ANAPC10: variants seen among roughly 807,000 people sequenced by gnomAD.
The protein encoded by ANAPC10 is anaphase-promoting complex subunit 10.
Under a neutral mutation model 22.0 loss-of-function variants are expected in ANAPC10, and 12 were observed. That is an observed-to-expected ratio of 0.55 (90% CI 0.35 to 0.88). ANAPC10 has a LOEUF of 0.88. Among genes scored for constraint, ANAPC10 ranks in the 40% least tolerant of loss-of-function variants. The probability of loss-of-function intolerance (pLI) is 0.01; values close to 1 mark genes in which losing one functional copy is unlikely to be tolerated. For synonymous variants in ANAPC10, 65 were observed against 69.5 expected, an observed-to-expected ratio of 0.94 and a Z score of 0.32; for missense variants, 188 against 220.9, an observed-to-expected ratio of 0.85 and a Z score of 0.94.
chr4:145,069,564 T>C (rs1744192642), intron 3 of ANAPC10, among the ~76,000 whole-genome samples: 1 of 152,148 alleles, frequency 6.6e-6, no homozygotes, highest in Non-Finnish European at 1.5e-5. Flanking sequence ...CCTCTTCAAA[T>C]ACCTAAGACA....
At chr4:145,077,870 A>T (rs565331090) in intron 3 of ANAPC10, among the ~76,000 whole-genome samples, 89 of 152,274 alleles carry the variant, frequency 5.8e-4, no homozygotes, top group African/African-American at 2.1e-3. Flanking sequence ...AAGGATCATA[A>T]TTCAAAATAA....
chr4:145,077,436 CCA>C (rs1745353029), intron 3 of ANAPC10, among the ~76,000 whole-genome samples: 3 of 151,888 alleles, frequency 2.0e-5, no homozygotes, highest in African/African-American at 7.3e-5. Flanking sequence ...TCAGAGAACC[CCA>C]GAGTATATGA....
chr4:145,017,785 C>G (rs537827119), intron 4 of ANAPC10, among the ~76,000 whole-genome samples: 8 of 151,914 alleles, frequency 5.3e-5, no homozygotes, highest in East Asian at 1.9e-4. Context: ...ATACTATGCA[C>G]CCATAAAAAA....
intron 4 of ANAPC10, among the ~76,000 whole-genome samples, chr4:145,026,945 A>ATATATATATGTGTG (rs1287102797): frequency 4.7e-4 from 8 of 17,150 alleles, no homozygotes; most frequent in African/African-American, 9.3e-4. Context: ...ATATATATAT[A>ATATATATATGTGTG]TGTGTGTGTG....
At chr4:145,011,251 T>C (rs549593111) in intron 4 of ANAPC10, among the ~76,000 whole-genome samples, 8 of 151,588 alleles carry the variant, frequency 5.3e-5, no homozygotes, top group Non-Finnish European at 8.8e-5. Flanking sequence ...GCAGGAGAAT[T>C]GCTTGAACCC....
At chr4:145,076,610 A>G (rs1745235937) in intron 3 of ANAPC10, among the ~76,000 whole-genome samples, 1 of 152,230 alleles carries the variant, frequency 6.6e-6, no homozygotes, top group Non-Finnish European at 1.5e-5. Flanking sequence ...AATGACAGAA[A>G]TGACAGACAT....
intron 3 of ANAPC10, among the ~76,000 whole-genome samples, chr4:145,069,011 T>C (rs1744104052): frequency 6.6e-6 from 1 of 152,178 alleles, no homozygotes; most frequent in Non-Finnish European, 1.5e-5. Context: ...TTTGAAAGGA[T>C]ATATGAGACC....
intron 4 of ANAPC10, among the ~76,000 whole-genome samples, chr4:145,018,973 T>C (rs893585056): frequency 2.6e-5 from 4 of 152,032 alleles, no homozygotes; most frequent in African/African-American, 9.7e-5. Context: ...ACCTAAAAAA[T>C]GAGATAGACA....
intron 1 of ANAPC10, 117 bp from the exon 2 acceptor site, chr4:145,096,228 T>C: frequency 9.4e-7 from 1 of 1,061,602 alleles, no homozygotes; most frequent in African/African-American, 1.6e-5. Context: ...TCATTTATTC[T>C]GAAGAATGCA....
At chr4:145,083,506 C>A (rs973391193) in intron 2 of ANAPC10, among the ~76,000 whole-genome samples, 2 of 152,060 alleles carry the variant, frequency 1.3e-5, no homozygotes, top group African/African-American at 4.8e-5. Context: ...GCCAAATTGT[C>A]CTCTAAAACA....
intron 4 of ANAPC10, among the ~76,000 whole-genome samples, chr4:145,043,961 T>C (rs35994031): frequency 0.012 from 1,890 of 152,168 alleles, 43 homozygotes; most frequent in African/African-American, 0.042. Flanking sequence ...TTCTTTAATA[T>C]ATAATTTTGA....
In ANAPC10 at chr4:145,029,027, G is replaced by A. The variant is rs189774226; in HGVS notation, c.328-33424C>T. Among the ~76,000 whole-genome samples, 261 of 152,240 alleles carry A rather than the reference G, an allele frequency of 1.7e-3. 2 individuals carry two copies. The highest frequency in any genetic ancestry group is 5.9e-3 in the African/African-American group (245 of 41,548). ...ACCATGTGAGTGGCTGACCTGCAAC[G>A]AAAGATGCATGTACAGCCTCGCCAG... On this transcript the variant is annotated intron_variant, in intron 4 of 4. Transcript: ENST00000507656.
At chr4:145,023,023 C>T (rs905705015) in intron 4 of ANAPC10, among the ~76,000 whole-genome samples, 1 of 151,898 alleles carries the variant, frequency 6.6e-6, no homozygotes, top group Non-Finnish European at 1.5e-5. Flanking sequence ...GTTATAACAG[C>T]CAGATTATCA....
intron 4 of ANAPC10, among the ~76,000 whole-genome samples, chr4:145,006,345 T>C (rs911673966): frequency 3.3e-5 from 5 of 152,072 alleles, no homozygotes; most frequent in Non-Finnish European, 5.9e-5. Flanking sequence ...CATAAAGGGA[T>C]TTGCTGGGCA....
At chr4:145,062,040 G>A (rs1742964790) in intron 4 of ANAPC10, among the ~76,000 whole-genome samples, 1 of 151,286 alleles carries the variant, frequency 6.6e-6, no homozygotes, top group Non-Finnish European at 1.5e-5. Context: ...TCCAGCCTGG[G>A]TGACAGAGCA....
intron 4 of ANAPC10, among the ~76,000 whole-genome samples, chr4:145,014,956 T>C (rs532004870): frequency 6.6e-6 from 1 of 152,172 alleles, no homozygotes; most frequent in East Asian, 1.9e-4. Flanking sequence ...GCCCTAGACC[T>C]TCCCTCTGAC....
chr4:144,998,827 A>C (rs1007516466), intron 4 of ANAPC10, among the ~76,000 whole-genome samples: 12 of 152,216 alleles, frequency 7.9e-5, no homozygotes, highest in Non-Finnish European at 1.8e-4. Flanking sequence ...TGAATACAGG[A>C]GCTGGTTTTT....
chr4:145,093,194 T>C (rs932774845), intron 2 of ANAPC10, among the ~76,000 whole-genome samples: 10 of 152,116 alleles, frequency 6.6e-5, no homozygotes, highest in Non-Finnish European at 4.4e-5. Flanking sequence ...GTGGAACTAT[T>C]ATATAGAAAA....
chr4:145,048,222 T>A (rs1213646379), intron 4 of ANAPC10, among the ~76,000 whole-genome samples: 2 of 152,112 alleles, frequency 1.3e-5, no homozygotes, highest in African/African-American at 4.8e-5. Context: ...TGAGCACCTA[T>A]GTGGTAGGTA....
Sources: allele counts gnomAD v4.1 joint callset (sites outside exome capture counted in the v4.1 genomes callset), GRCh38; gene constraint gnomAD v4.1.1; transcripts MANE v1.5; gene names NCBI Gene and HGNC (gene_info 2026-07-23, HGNC 2026-07-21).